The following ITFG1 variants were observed in gnomAD, a reference collection of about 807,000 sequenced individuals.
The protein encoded by ITFG1 is T-cell immunomodulatory protein.
ITFG1 carries 34 observed loss-of-function variants against 81.8 expected under a neutral mutation model. The observed-to-expected ratio is 0.42, with a 90% CI of 0.32 to 0.55. The LOEUF (loss-of-function observed/expected upper bound fraction) is 0.55. Ranked by LOEUF, ITFG1 falls within the 20% of genes least tolerant of loss-of-function variation. The pLI is 0.17. For synonymous variants in ITFG1, 285 were observed against 270.6 expected, an observed-to-expected ratio of 1.05 and a Z score of -0.52; for missense variants, 672 against 755.4, an observed-to-expected ratio of 0.89 and a Z score of 1.29.
intron 14 of ITFG1, among the ~76,000 whole-genome samples, chr16:47,183,150 T>G (rs1020619522): frequency 3.9e-5 from 6 of 152,316 alleles, no homozygotes; most frequent in African/African-American, 4.8e-5. Context: ...GTCTCGCTGA[T>G]TGCCAGCACA....
intron 6 of ITFG1, among the ~76,000 whole-genome samples, chr16:47,423,489 T>C (rs1264701686): frequency 6.6e-6 from 1 of 152,172 alleles, no homozygotes; most frequent in East Asian, 1.9e-4. Context: ...TGCTCGCTGG[T>C]TATTTTGCCC....
At chr16:47,184,016 C>T in intron 14 of ITFG1, among the ~76,000 whole-genome samples, 1 of 151,962 alleles carries the variant, frequency 6.6e-6, no homozygotes, top group Non-Finnish European at 1.5e-5. Context: ...CCGATGCGAT[C>T]AACTGGAAGA....
chr16:47,309,158 T>A (rs969875905), intron 10 of ITFG1, among the ~76,000 whole-genome samples: 5 of 150,862 alleles, frequency 3.3e-5, no homozygotes, highest in Non-Finnish European at 7.4e-5. Flanking sequence ...AACCTCTGCC[T>A]CCTGGGTTCA....
At chr16:47,305,115 T>C (rs545080132) in intron 10 of ITFG1, among the ~76,000 whole-genome samples, 1 of 152,286 alleles carries the variant, frequency 6.6e-6, no homozygotes, top group Admixed American at 6.5e-5. Context: ...CACTAGTGTA[T>C]AAGTAATGAA....
intron 8 of ITFG1, among the ~76,000 whole-genome samples, chr16:47,326,352 C>A (rs1967541557): frequency 1.3e-5 from 2 of 152,232 alleles, no homozygotes; most frequent in Admixed American, 6.5e-5. Context: ...CTATGACAAA[C>A]CCACAGCCAA....
intron 14 of ITFG1, among the ~76,000 whole-genome samples, chr16:47,189,132 G>C (rs1292630532): frequency 6.6e-6 from 1 of 152,154 alleles, no homozygotes; most frequent in Non-Finnish European, 1.5e-5. Flanking sequence ...TTGGAACCCT[G>C]GTTCAAGCTC....
intron 10 of ITFG1, among the ~76,000 whole-genome samples, chr16:47,307,453 G>C (rs1967188209): frequency 6.6e-6 from 1 of 152,028 alleles, no homozygotes; most frequent in African/African-American, 2.4e-5. Flanking sequence ...TTTAGTATGG[G>C]ATTCATTATA....
chr16:47,415,083 T>C (rs1247054611), intron 6 of ITFG1, among the ~76,000 whole-genome samples: 1 of 152,238 alleles, frequency 6.6e-6, no homozygotes, highest in Non-Finnish European at 1.5e-5. Context: ...GGGATATTAA[T>C]GTTCCCATGT....
intron 5 of ITFG1, among the ~76,000 whole-genome samples, chr16:47,436,122 CATGATGTAAA>C (rs1567499612): frequency 2.0e-5 from 3 of 151,986 alleles, no homozygotes; most frequent in Non-Finnish European, 4.4e-5. Context: ...AAAACTTTAT[CATGATGTAAA>C]ATGATTTTAT....
chr16:47,414,443 C>T (rs1468054416), intron 6 of ITFG1, among the ~76,000 whole-genome samples: 2 of 151,792 alleles, frequency 1.3e-5, no homozygotes, highest in Non-Finnish European at 2.9e-5. Flanking sequence ...AGAGAATTGC[C>T]TGAACCTGGG....
intron 14 of ITFG1, among the ~76,000 whole-genome samples, chr16:47,169,396 TA>T (rs1201065024): frequency 6.6e-6 from 1 of 152,196 alleles, no homozygotes; most frequent in East Asian, 1.9e-4. Flanking sequence ...TTTCAGTGGA[TA>T]AATCTTTCAA....
chr16:47,255,195 T>C (rs1201748082), intron 12 of ITFG1, among the ~76,000 whole-genome samples: 2 of 152,246 alleles, frequency 1.3e-5, no homozygotes, highest in Admixed American at 1.3e-4. Flanking sequence ...GAATTATTAA[T>C]TTAAATTTAA....
chr16:47,172,437 A>G (rs1410542973), intron 14 of ITFG1, among the ~76,000 whole-genome samples: 5 of 152,138 alleles, frequency 3.3e-5, no homozygotes, highest in African/African-American at 1.2e-4. Flanking sequence ...GCAGTGAGCC[A>G]TGATCGTGCC....
chr16:47,307,093 CAAA>C (rs371103697), intron 10 of ITFG1, among the ~76,000 whole-genome samples: 30 of 16,454 alleles, frequency 1.8e-3, no homozygotes, highest in African/African-American at 8.6e-3. Flanking sequence ...AACTCCGTCT[CAAA>C]AAAAAAAAAA....
chr16:47,351,954 G>A (rs1033455352), intron 8 of ITFG1, among the ~76,000 whole-genome samples: 5 of 152,068 alleles, frequency 3.3e-5, no homozygotes, highest in African/African-American at 1.2e-4. Flanking sequence ...AAAAAGAAAT[G>A]GGGAAAGGAT....
intron 6 of ITFG1, among the ~76,000 whole-genome samples, chr16:47,410,273 T>C (rs1045988596): frequency 3.3e-5 from 5 of 151,988 alleles, no homozygotes; most frequent in African/African-American, 1.2e-4. Flanking sequence ...AGACCCTGTC[T>C]CTAAAAAAAG....
chr16:47,303,200 G>T (rs891198473), intron 10 of ITFG1, among the ~76,000 whole-genome samples: 3 of 152,032 alleles, frequency 2.0e-5, no homozygotes, highest in African/African-American at 7.2e-5. Context: ...GAACCCAGGG[G>T]GCGGAGCTTG....
chr16:47,165,574 G>A (rs1964878256), intron 14 of ITFG1, among the ~76,000 whole-genome samples: 1 of 152,190 alleles, frequency 6.6e-6, no homozygotes, highest in Non-Finnish European at 1.5e-5. Context: ...TTAAAAGCAG[G>A]CCATTTATGC....
At chr16:47,332,142 G>A (rs374306865) in intron 8 of ITFG1, among the ~76,000 whole-genome samples, 33 of 151,816 alleles carry the variant, frequency 2.2e-4, no homozygotes, top group Non-Finnish European at 4.4e-4. Flanking sequence ...GGTAGAGGTG[G>A]TGTAACTAAC....
Sources: gnomAD v4.1 joint callset for allele counts (sites outside exome capture counted in the v4.1 genomes callset) on GRCh38, gnomAD v4.1.1 for gene constraint, MANE v1.5 for transcripts, NCBI Gene and HGNC (gene_info 2026-07-23, HGNC 2026-07-21) for gene names.